The following TENM3 variants were observed in gnomAD, a reference collection of about 807,000 sequenced individuals.
The protein encoded by TENM3 is teneurin transmembrane protein 3.
A neutral mutation model predicts 255.1 loss-of-function variants in TENM3; 63 were observed. The observed-to-expected ratio is 0.25, with a 90% CI of 0.20 to 0.30. TENM3 has a LOEUF of 0.30. Among genes scored for constraint, TENM3 ranks in the 10% least tolerant of loss-of-function variants. The pLI, the probability that TENM3 is intolerant of heterozygous loss-of-function variation, is 1.00. For synonymous variants in TENM3, 1,306 were observed against 1,322.3 expected (o/e 0.99, Z 0.27); for missense variants, 2,929 against 3,461.1 (o/e 0.85, Z 3.86).
intron 1 of TENM3, among the ~76,000 whole-genome samples, chr4:182,228,988 G>T (rs184410054): frequency 6.6e-6 from 1 of 152,280 alleles, no homozygotes; most frequent in Non-Finnish European, 1.5e-5. Flanking sequence ...CTACACCCAG[G>T]TTGGGCTGGT....
intron 15 of TENM3, 55 bp from the exon 16 acceptor site, chr4:182,730,823 T>C (rs1760636026): frequency 6.9e-6 from 11 of 1,588,956 alleles, no homozygotes; most frequent in Non-Finnish European, 9.5e-6. Context: ...GAGGTGTGTA[T>C]TGGTAGTTAT....
intron 3 of TENM3, among the ~76,000 whole-genome samples, chr4:182,373,899 A>G (rs894459729): frequency 2.0e-5 from 3 of 152,070 alleles, no homozygotes; most frequent in Non-Finnish European, 2.9e-5. Flanking sequence ...GGATTCCCCT[A>G]CTTTGTGAAA....
chr4:182,215,479 A>C (rs1755395261), intron 1 of TENM3, among the ~76,000 whole-genome samples: 1 of 152,158 alleles, frequency 6.6e-6, no homozygotes, highest in African/African-American at 2.4e-5. Context: ...ACTGTTTTCA[A>C]CTACATAATT....
chr4:181,728,517 G>C, the TENM3 span, among the ~76,000 whole-genome samples: 1 of 152,294 alleles, frequency 6.6e-6, no homozygotes, highest in Middle Eastern at 3.4e-3. Context: ...GACCATATAG[G>C]ATAACTTCCT....
At chr4:182,043,021 G>A in the TENM3 span, among the ~76,000 whole-genome samples, 1 of 151,678 alleles carries the variant, frequency 6.6e-6, no homozygotes, top group African/African-American at 2.4e-5. Context: ...AAATTGTGGT[G>A]TAATTTTGCG....
chr4:182,053,721 G>T, the TENM3 span, among the ~76,000 whole-genome samples: 1 of 152,150 alleles, frequency 6.6e-6, no homozygotes, highest in Admixed American at 6.5e-5. Context: ...GATTTATTTT[G>T]TATTTCACCA....
chr4:181,495,919 A>AAG, the TENM3 span, among the ~76,000 whole-genome samples: 16 of 150,954 alleles, frequency 1.1e-4, no homozygotes, highest in East Asian at 9.8e-4. Flanking sequence ...AAAAAAAAAA[A>AAG]AAAGAAACAT....
chr4:182,267,353 C>G (rs910004311), intron 1 of TENM3, among the ~76,000 whole-genome samples: 14 of 152,146 alleles, frequency 9.2e-5, no homozygotes, highest in African/African-American at 3.4e-4. Flanking sequence ...CAATAAGAAT[C>G]TGTTTTCTTT....
At chr4:182,652,314 C>T (rs1753379034) in intron 5 of TENM3, among the ~76,000 whole-genome samples, 1 of 152,156 alleles carries the variant, frequency 6.6e-6, no homozygotes, top group South Asian at 2.1e-4. Flanking sequence ...CAGGGAGAAG[C>T]ATTGCAGACA....
At chr4:181,653,711 T>A in the TENM3 span, among the ~76,000 whole-genome samples, 1 of 151,786 alleles carries the variant, frequency 6.6e-6, no homozygotes, top group East Asian at 1.9e-4. Flanking sequence ...TTTTTTTTTT[T>A]TTTTTTTAAA....
At chr4:181,890,586 A>T in the TENM3 span, among the ~76,000 whole-genome samples, 2 of 152,166 alleles carry the variant, frequency 1.3e-5, no homozygotes, top group Non-Finnish European at 2.9e-5. Context: ...TGCACTTAAG[A>T]TTATTAAAAT....
At position 182,486,967 on chromosome 4, in the gene TENM3, C is replaced by T. The variant is rs534506328; in HGVS notation, c.512-113957C>T. ...CGGAACAAAGCATTGTATTACATGA[C>T]GAGACCCCCTGTTTTCTCTTTTCTC... On this transcript the variant is annotated intron_variant, in intron 3 of 27. Transcript: ENST00000511685. 7.2e-4 allele frequency among the ~76,000 whole-genome samples: 110 copies of T among 152,242 alleles called. 1 individual carries two copies. The highest frequency in any genetic ancestry group is 2.5e-3 in the African/African-American group (104 of 41,558).
chr4:182,440,794 C>T (rs1451564877), intron 3 of TENM3, among the ~76,000 whole-genome samples: 1 of 151,224 alleles, frequency 6.6e-6, no homozygotes, highest in East Asian at 1.9e-4. Flanking sequence ...GTGCGGAAGG[C>T]ATTGAGCATA....
At chr4:182,461,154 CT>C (rs1404878652) in intron 3 of TENM3, among the ~76,000 whole-genome samples, 16 of 152,126 alleles carry the variant, frequency 1.1e-4, no homozygotes, top group Admixed American at 5.2e-4. Context: ...ATTCACTTTC[CT>C]GCCTTAAACT....
chr4:181,665,806 T>G, the TENM3 span, among the ~76,000 whole-genome samples: 1 of 152,030 alleles, frequency 6.6e-6, no homozygotes, highest in Admixed American at 6.6e-5. Context: ...TAAAAGCAAA[T>G]AATAATGTTC....
chr4:182,428,420 C>T (rs1224295843), intron 3 of TENM3, among the ~76,000 whole-genome samples: 5 of 152,030 alleles, frequency 3.3e-5, no homozygotes, highest in East Asian at 3.8e-4. Flanking sequence ...CTCCTGCTTA[C>T]GCCACCACTG....
At chr4:181,975,552 C>T in the TENM3 span, 2 of 152,112 alleles carry the variant, frequency 1.3e-5, no homozygotes, top group Non-Finnish European at 2.9e-5. Context: ...CTGCGATAAA[C>T]ATCTGAGTGC....
At chr4:182,066,889 C>T in the TENM3 span, among the ~76,000 whole-genome samples, 1 of 152,030 alleles carries the variant, frequency 6.6e-6, no homozygotes, top group Non-Finnish European at 1.5e-5. Flanking sequence ...CCAGCCTGGG[C>T]GACAGAGCGA....
At chr4:182,636,757 T>G (rs1181060665) in intron 5 of TENM3, among the ~76,000 whole-genome samples, 1 of 151,834 alleles carries the variant, frequency 6.6e-6, no homozygotes, top group Non-Finnish European at 1.5e-5. Flanking sequence ...AGAATACACT[T>G]AAACAGATTG....
Sources: gnomAD v4.1 joint callset for allele counts (sites outside exome capture counted in the v4.1 genomes callset) on GRCh38, gnomAD v4.1.1 for gene constraint, MANE v1.5 for transcripts, NCBI Gene and HGNC (gene_info 2026-07-23, HGNC 2026-07-21) for gene names.